Variants in CD101 observed in about 807,000 individuals in gnomAD.
CD101 encodes immunoglobulin superfamily member 2.
Under a neutral mutation model 98.2 loss-of-function variants are expected in CD101, and 76 were observed. That is an observed-to-expected ratio of 0.77 (90% CI 0.64 to 0.94). CD101 has a LOEUF of 0.94. CD101 is among the 40% of genes least tolerant of loss of function. The pLI, the probability that CD101 is intolerant of heterozygous loss-of-function variation, is 0.00. For synonymous variants in CD101, 471 were observed against 472.7 expected, an observed-to-expected ratio of 1.00 and a Z score of 0.05; for missense variants, 1,145 against 1,218.8, an observed-to-expected ratio of 0.94 and a Z score of 0.90.
chr1:117,009,588 G>T (rs1005884227), intron 1 of CD101, among the ~76,000 whole-genome samples: 6 of 152,244 alleles, frequency 3.9e-5, no homozygotes, highest in African/African-American at 1.2e-4. Context: ...TATAGAAGTG[G>T]TCGTGTTACA....
chr1:117,031,309 G>C (rs772365388), intron 8 of CD101, among the ~76,000 whole-genome samples: 2 of 152,092 alleles, frequency 1.3e-5, no homozygotes, highest in Non-Finnish European at 2.9e-5. Flanking sequence ...AAGCAGAGTA[G>C]CAGATTTATT....
intron 8 of CD101, among the ~76,000 whole-genome samples, chr1:117,029,237 G>GAAGGAAAGAAAGAAAAGAAAGA (rs1654255563): frequency 7.6e-6 from 1 of 131,742 alleles, no homozygotes. Flanking sequence ...AAGAAAGAAA[G>GAAGGAAAGAAAGAAAAGAAAGA]AAAGAAAGAA....
chr1:117,008,000 G>A lies in CD101; in HGVS notation c.44-1850G>A, dbSNP rs556104672. On this transcript the variant is annotated intron_variant, in intron 1 of 9. Coordinates refer to ENST00000682167, the MANE Select transcript of CD101 (RefSeq NM_001256106.3). Reference sequence around the variant, plus strand: ...CTTGGTGCACACATTTCTCTAAGACGACATTACTGAAAAGTGTCTTAAACT... The same window carrying A: ...CTTGGTGCACACATTTCTCTAAGACAACATTACTGAAAAGTGTCTTAAACT... Among the ~76,000 whole-genome samples the A allele has an allele frequency of 1.2e-3, 181 of 152,194 alleles. 2 individuals carry two copies. In the East Asian group the frequency reaches 0.032, roughly 27 times the overall value.
chr1:117,024,092 G>T (rs548165520), intron 7 of CD101, among the ~76,000 whole-genome samples: 1 of 152,228 alleles, frequency 6.6e-6, no homozygotes, highest in African/African-American at 2.4e-5. Flanking sequence ...AATATTCCAC[G>T]TGCTACTCCA....
rs1296549420 is a variant in CD101 at position 117,017,412 on chromosome 1, T to G, written c.1551T>G (p.Ser517=). 6.2e-7 allele frequency: 1 copy of G among 1,614,218 alleles called. No individual in the cohort carries two copies. The highest frequency in any genetic ancestry group is 8.5e-7 in the Non-Finnish European group (1 of 1,180,024). Residue 517 remains serine (S), a synonymous_variant, in exon 5 of 10, where the codon TCT becomes TCG. Coordinates refer to ENST00000682167, the MANE Select transcript of CD101 (RefSeq NM_001256106.3). The part of the protein sequence containing the change: ...GTYECRVSEK[S]RNQARDLSWT... ...ATGAGTGCAGAGTATCTGAGAAGTC[T>G]CGGAACCAGGCCAGAGATCTGAGCT...
chr1:117,028,233 G>C (rs930719775), intron 8 of CD101, among the ~76,000 whole-genome samples: 30 of 152,212 alleles, frequency 2.0e-4, no homozygotes, highest in African/African-American at 7.2e-4. Flanking sequence ...TGACGACTAA[G>C]AAAAGAACAG....
At position 117,021,657 on chromosome 1, in the gene CD101, C is replaced by T. The variant is rs1653591267; in HGVS notation, c.2102C>T (p.Ser701Phe). 1 of 1,614,012 alleles carries T rather than the reference C, an allele frequency of 6.2e-7. No individual in the cohort carries two copies. The highest frequency in any genetic ancestry group is 8.5e-7 in the Non-Finnish European group (1 of 1,179,938). The change falls in exon 7 of 10, where the codon TCC becomes TTC. Residue 701 changes from serine (S) to phenylalanine (F), a missense_variant. Ser to Phe is a radical substitution (Grantham distance 155). Transcript: ENST00000682167. The surrounding 1 kb of genome is among the most constrained non-coding windows in gnomAD (Gnocchi z 4.7). ...ACTGATATAGAATGTAGCATCTTGTCCCGGTCCAATGGAAACCTTCAGTTA... is the reference window on the plus strand; with the variant it reads ...ACTGATATAGAATGTAGCATCTTGTTCCGGTCCAATGGAAACCTTCAGTTA... ...SNTDIECSIL[S>F]RSNGNLQLAI...
chr1:117,008,418 T>C (rs920484564), intron 1 of CD101, among the ~76,000 whole-genome samples: 1 of 152,004 alleles, frequency 6.6e-6, no homozygotes, highest in African/African-American at 2.4e-5. Flanking sequence ...TGAGCCAAGA[T>C]TGCACCACAA....
chr1:117,018,249 C>G lies in CD101; in HGVS notation c.1706C>G (p.Ser569Cys). ...TCCTGTGTCGTGAGGGCCGGTTACTCTGACCTCAAGGTGCCACTCACTGTG... is the reference window on the plus strand; with the variant it reads ...TCCTGTGTCGTGAGGGCCGGTTACTGTGACCTCAAGGTGCCACTCACTGTG... The part of the protein sequence containing the change: ...DLSCVVRAGY[S>C]DLKVPLTVTW... Residue 569 changes from serine to cysteine, a missense_variant, in exon 6 of 10, where the codon TCT becomes TGT. Coordinates refer to ENST00000682167, the MANE Select transcript of CD101 (RefSeq NM_001256106.3). This position sits in a 1 kb window ranked among gnomAD's most constrained non-coding sequence, Gnocchi z 4.3. 1 of 1,614,204 alleles carries G rather than the reference C, an allele frequency of 6.2e-7. No individual in the cohort carries two copies.
In CD101 at chr1:117,018,433, C is replaced by T; in HGVS notation, c.1890C>T (p.Ala630=). ...GTTCACAACTCCTAGTCCATGATGC[C>T]ACTGAGGAAGAGACAGGAGTGTATC... The part of the protein sequence containing the change: ...LFRSQLLVHD[A]TEEETGVYQC... The change falls in exon 6 of 10, where the codon GCC becomes GCT. Residue 630 remains alanine (A), a synonymous_variant. Transcript: ENST00000682167. The surrounding 1 kb of genome is among the most constrained non-coding windows in gnomAD (Gnocchi z 4.3). The T allele has an allele frequency of 1.9e-6, 3 of 1,614,158 alleles. No individual in the cohort carries two copies. The highest frequency in any genetic ancestry group is 2.5e-6 in the Non-Finnish European group (3 of 1,180,036).
intron 4 of CD101, 50 bp downstream of exon 4, chr1:117,013,842 C>T (rs1235553481): frequency 6.5e-7 from 1 of 1,527,050 alleles, no homozygotes; most frequent in Admixed American, 2.0e-5. Context: ...CAGATGCCCC[C>T]TTGTCAGTGG....
intron 4 of CD101, among the ~76,000 whole-genome samples, chr1:117,015,901 G>A (rs1367093995): frequency 3.3e-5 from 5 of 152,220 alleles, no homozygotes; most frequent in East Asian, 1.9e-4. Flanking sequence ...TCCAGGAGCC[G>A]TGGCCTTAAA....
intron 8 of CD101, among the ~76,000 whole-genome samples, chr1:117,031,427 A>C (rs139076959): frequency 1.3e-5 from 2 of 152,170 alleles, no homozygotes; most frequent in Non-Finnish European, 2.9e-5. Flanking sequence ...GCCTCCCATG[A>C]GTAGAAAAGG....
At position 117,017,368 on chromosome 1, in the gene CD101, A is replaced by G; in HGVS notation, c.1507A>G (p.Ile503Val). The change falls in exon 5 of 10, where the codon ATC becomes GTC. Residue 503 changes from isoleucine (I) to valine (V), a missense_variant. Physicochemically the swap from Ile to Val is conservative, Grantham distance 29. Coordinates refer to ENST00000682167, the MANE Select transcript of CD101 (RefSeq NM_001256106.3). ...TFQLEITFTA[I>V]TDSGTYECRV... ...CCAGCTGGAGATCACCTTCACTGCC[A>G]TCACAGACAGTGGCACATATGAGTG... The G allele has an allele frequency of 4.3e-6, 7 of 1,614,256 alleles. No individual in the cohort carries two copies. The highest frequency in any genetic ancestry group is 5.9e-6 in the Non-Finnish European group (7 of 1,180,036).
chr1:117,021,696 A>G lies in CD101; in HGVS notation c.2141A>G (p.Tyr714Cys). 6.2e-7 allele frequency: 1 copy of G among 1,614,086 alleles called. No individual in the cohort carries two copies. Among genetic ancestry groups the G allele is most frequent in the South Asian group, 1.1e-5 (1 of 91,070 alleles). ...NGNLQLAIIW[Y>C]FSPVSTNASW... ...AACCTTCAGTTAGCCATTATTTGGTATTTTTCTCCTGTTTCCACTAATGCC... is the reference window on the plus strand; with the variant it reads ...AACCTTCAGTTAGCCATTATTTGGTGTTTTTCTCCTGTTTCCACTAATGCC... The change falls in exon 7 of 10, where the codon TAT becomes TGT. Residue 714 changes from tyrosine (Y) to cysteine (C), a missense_variant. By Grantham distance (194) the Tyr-to-Cys change is radical. Coordinates refer to ENST00000682167, the MANE Select transcript of CD101 (RefSeq NM_001256106.3). The surrounding 1 kb of genome is among the most constrained non-coding windows in gnomAD (Gnocchi z 4.7).
At chr1:117,032,028 A>G (rs4659352) in intron 8 of CD101, 23,206 of 152,244 alleles carry the variant, frequency 0.15, 2,198 homozygotes, top group Admixed American at 0.31. Context: ...AACTGTAGTC[A>G]AGCAGGGTCA....
chr1:117,029,175 G>GA (rs1367165376), intron 8 of CD101, among the ~76,000 whole-genome samples: 1 of 97,808 alleles, frequency 1.0e-5, no homozygotes, highest in African/African-American at 4.4e-5. Flanking sequence ...AAGAAAGAAA[G>GA]AAAGAAAGAA....
At chr1:117,028,443 T>C (rs1036198611) in intron 8 of CD101, among the ~76,000 whole-genome samples, 1 of 152,226 alleles carries the variant, frequency 6.6e-6, no homozygotes, top group Non-Finnish European at 1.5e-5. Context: ...TAAGTTGGGC[T>C]GGAACTGAGT....
At chr1:117,014,705 A>G (rs1653104465) in intron 4 of CD101, among the ~76,000 whole-genome samples, 1 of 152,220 alleles carries the variant, frequency 6.6e-6, no homozygotes, top group South Asian at 2.1e-4. Context: ...TAAATTTTTA[A>G]AAACTGAGCT....
Sources: gnomAD v4.1 joint callset for allele counts (sites outside exome capture counted in the v4.1 genomes callset) on GRCh38, gnomAD v4.1.1 for gene constraint, Gnocchi (gnomAD v3.1) non-coding constraint, MANE v1.5 for transcripts, NCBI Gene and HGNC (gene_info 2026-07-23, HGNC 2026-07-21) for gene names.